The following CYP2C19 variants were observed in gnomAD, a reference collection of about 807,000 sequenced individuals.
CYP2C19 encodes cytochrome P450 family 2 subfamily C member 19.
A neutral mutation model predicts 40.9 loss-of-function variants in CYP2C19; 59 were observed. The ratio of observed to expected loss-of-function variants is 1.44; its 90% CI spans 1.17 to 1.79. The LOEUF (loss-of-function observed/expected upper bound fraction) is 1.79, where lower values mean the gene tolerates loss of function less well. Ranked by LOEUF, CYP2C19 falls within the 40% of genes most tolerant of loss-of-function variation. The pLI, the probability that CYP2C19 is intolerant of heterozygous loss-of-function variation, is 0.00. For missense variants in CYP2C19, 754 were observed against 596.9 expected (o/e 1.26, Z -2.74); for synonymous variants, 253 against 208.7 (o/e 1.21, Z -1.83).
At chr10:94,767,801 G>A (rs952074231) in intron 1 of CYP2C19, among the ~76,000 whole-genome samples, 1 of 152,098 alleles carries the variant, frequency 6.6e-6, no homozygotes, top group Non-Finnish European at 1.5e-5. Flanking sequence ...CATTAACCAC[G>A]CTGAGGGGAG....
intron 6 of CYP2C19, among the ~76,000 whole-genome samples, chr10:94,842,436 G>T (rs1264577394): frequency 1.0e-4 from 10 of 98,638 alleles, no homozygotes; most frequent in South Asian, 3.6e-4. Context: ...AATAGGTCTT[G>T]TTTCTTCATC....
chr10:94,827,346 T>C (rs537481430), intron 6 of CYP2C19, among the ~76,000 whole-genome samples: 524 of 152,170 alleles, frequency 3.4e-3, no homozygotes, highest in Middle Eastern at 6.8e-3. Flanking sequence ...CAGCTCCTGT[T>C]ATTGGTCTAT....
chr10:94,846,358 C>A (rs571784602), intron 7 of CYP2C19, among the ~76,000 whole-genome samples: 1 of 152,258 alleles, frequency 6.6e-6, no homozygotes, highest in African/African-American at 2.4e-5. Context: ...TTGACTATTC[C>A]ACTGAATCAC....
Position 94,842,934 on chromosome 10 carries a change from C to G in CYP2C19, c.1059C>G (p.His353Gln). The G allele has an allele frequency of 1.2e-6, 2 of 1,614,170 alleles. No individual in the cohort carries two copies. Among genetic ancestry groups the G allele is most frequent in the South Asian group, 2.2e-5 (2 of 91,088 alleles). ...TGCCCTACACAGATGCTGTGGTGCA[C>G]GAGGTCCAGAGATACATCGACCTCA... Reference protein sequence around the residue: ...GHMPYTDAVVHEVQRYIDLIP... With the variant: ...GHMPYTDAVVQEVQRYIDLIP... The change falls in exon 7 of 9, where the codon CAC becomes CAG. Residue 353 changes from histidine (H) to glutamine (Q), a missense_variant. His to Gln is a conservative substitution (Grantham distance 24). Coordinates refer to ENST00000371321, the MANE Select transcript of CYP2C19 (RefSeq NM_000769.4).
At chr10:94,788,698 A>G (rs1331745101) in intron 5 of CYP2C19, among the ~76,000 whole-genome samples, 2 of 152,166 alleles carry the variant, frequency 1.3e-5, no homozygotes, top group Admixed American at 6.5e-5. Context: ...TAATGGCTAC[A>G]TAGTATTCCA....
intron 7 of CYP2C19, among the ~76,000 whole-genome samples, chr10:94,846,375 G>A (rs1233467231): frequency 6.6e-6 from 1 of 152,190 alleles, no homozygotes; most frequent in East Asian, 1.9e-4. Context: ...TCACAGTGGT[G>A]AGGCAGAGGC....
Position 94,852,945 on chromosome 10 carries a change from C to A in CYP2C19, c.*31C>A. The A allele has an allele frequency of 6.2e-7, 1 of 1,610,886 alleles. No individual in the cohort carries two copies. The highest frequency in any genetic ancestry group is 8.5e-7 in the Non-Finnish European group (1 of 1,177,440). On this transcript the variant is annotated 3_prime_UTR_variant, in exon 9 of 9. Transcript: ENST00000371321. The stretch of plus-strand genomic sequence containing the variant: ...CACAGATGGTCTGGCTGCTCCTGTG[C>A]TGTCCCTGCAGCTCTCTTTCCTCTG...
chr10:94,821,534 C>T (rs1477233434), intron 6 of CYP2C19, among the ~76,000 whole-genome samples: 1 of 152,074 alleles, frequency 6.6e-6, no homozygotes, highest in African/African-American at 2.4e-5. Flanking sequence ...TCCATTTAGG[C>T]AGAAGATGTA....
chr10:94,836,027 G>T lies in CYP2C19; in HGVS notation c.962-6810G>T, dbSNP rs192271832. On this transcript the variant is annotated intron_variant, in intron 6 of 8. Coordinates refer to ENST00000371321, the MANE Select transcript of CYP2C19 (RefSeq NM_000769.4). The stretch of plus-strand genomic sequence containing the variant: ...GTGGTGTAGGTTTGAGCAATTACTT[G>T]TTGACAGTTATGTTCTATCTTTTCT... 5.9e-5 allele frequency among the ~76,000 whole-genome samples: 9 copies of T among 152,310 alleles called. No individual in the cohort carries two copies. In the East Asian group the frequency reaches 1.4e-3, roughly 23 times the overall value.
chr10:94,808,782 C>T (rs1202192432), intron 5 of CYP2C19, among the ~76,000 whole-genome samples: 1 of 152,116 alleles, frequency 6.6e-6, no homozygotes, highest in Admixed American at 6.5e-5. Context: ...TTTTAAATGG[C>T]TGTATAGTAC....
At chr10:94,842,337 T>C (rs1295687300) in intron 6 of CYP2C19, among the ~76,000 whole-genome samples, 1 of 151,892 alleles carries the variant, frequency 6.6e-6, no homozygotes, top group Non-Finnish European at 1.5e-5. Flanking sequence ...TCCTTTGGAA[T>C]GTACTGTCTC....
rs769637086 is a variant in CYP2C19, at chr10:94,767,307, T to G, written c.168+4434T>G. 1.1e-4 allele frequency among the ~76,000 whole-genome samples: 17 copies of G among 152,202 alleles called. 1 individual carries two copies. Among genetic ancestry groups the G allele is most frequent in the Admixed American group, 6.5e-5 (1 of 15,288 alleles). Reference sequence around the variant, plus strand: ...TGTGAAGGTGATATTGTATCCCTAGTGCCCTGGAAATTCCCTAAGTTATTA... The same window carrying G: ...TGTGAAGGTGATATTGTATCCCTAGGGCCCTGGAAATTCCCTAAGTTATTA... On this transcript the variant is annotated intron_variant, in intron 1 of 8. Coordinates refer to ENST00000371321, the MANE Select transcript of CYP2C19 (RefSeq NM_000769.4).
chr10:94,839,689 G>A (rs1038054471), intron 6 of CYP2C19, among the ~76,000 whole-genome samples: 13 of 152,190 alleles, frequency 8.5e-5, no homozygotes, highest in Admixed American at 7.9e-4. Context: ...CTTTTGAGGA[G>A]ACCAATTATT....
chr10:94,782,733 G>C (rs1848495437), intron 5 of CYP2C19, among the ~76,000 whole-genome samples: 1 of 152,038 alleles, frequency 6.6e-6, no homozygotes, highest in Admixed American at 6.6e-5. Context: ...ATGACAGACT[G>C]GATTAAGAAA....
chr10:94,774,397 A>T (rs1848376690), intron 1 of CYP2C19: 1 of 152,322 alleles, frequency 6.6e-6, no homozygotes, highest in African/African-American at 2.4e-5. Context: ...AGTATGAGGG[A>T]GGAATAAGCT....
At chr10:94,822,249 A>G (rs898561427) in intron 6 of CYP2C19, among the ~76,000 whole-genome samples, 2 of 152,180 alleles carry the variant, frequency 1.3e-5, no homozygotes, top group African/African-American at 2.4e-5. Context: ...TGTCAATTCC[A>G]CATGACTGGA....
intron 5 of CYP2C19, among the ~76,000 whole-genome samples, chr10:94,811,157 G>A (rs924928872): frequency 6.6e-6 from 1 of 152,198 alleles, no homozygotes; most frequent in Non-Finnish European, 1.5e-5. Flanking sequence ...GTCATTCAGA[G>A]CAGGTTGTTC....
chr10:94,802,627 T>A (rs1848782522), intron 5 of CYP2C19, among the ~76,000 whole-genome samples: 1 of 152,170 alleles, frequency 6.6e-6, no homozygotes, highest in African/African-American at 2.4e-5. Context: ...CCTGTCACTA[T>A]GATGTTAGCC....
chr10:94,833,713 A>T (rs1173072633), intron 6 of CYP2C19, among the ~76,000 whole-genome samples: 1 of 152,208 alleles, frequency 6.6e-6, no homozygotes, highest in African/African-American at 2.4e-5. Context: ...TCATGAAGGG[A>T]TGTTGAATTT....
Sources: gnomAD v4.1 joint callset for allele counts (sites outside exome capture counted in the v4.1 genomes callset) on GRCh38, gnomAD v4.1.1 for gene constraint, MANE v1.5 for transcripts, NCBI Gene and HGNC (gene_info 2026-07-23, HGNC 2026-07-21) for gene names.